Variants in ONECUT2 observed in about 807,000 individuals in gnomAD.
The protein encoded by ONECUT2 is one cut domain family member 2.
In ONECUT2, 10 loss-of-function variants were observed where a neutral mutation model predicts 27.9. The ratio of observed to expected loss-of-function variants is 0.36; its 90% CI spans 0.22 to 0.61. The LOEUF (loss-of-function observed/expected upper bound fraction) is 0.61. ONECUT2 is among the 20% of genes least tolerant of loss of function. The pLI is 0.73. For synonymous variants in ONECUT2, 334 were observed against 315.1 expected, an observed-to-expected ratio of 1.06 and a Z score of -0.64; for missense variants, 686 against 721.0, an observed-to-expected ratio of 0.95 and a Z score of 0.56.
intron 1 of ONECUT2, 133 bp downstream of exon 1, chr18:57,437,077 T>G (rs918043648): frequency 2.8e-6 from 4 of 1,416,056 alleles, no homozygotes; most frequent in Non-Finnish European, 3.7e-6. Flanking sequence ...TCCTCTTTCT[T>G]CTCGTTTTTA....
chr18:57,470,305 G>T lies in ONECUT2; in HGVS notation c.1229-6132G>T, dbSNP rs529157942. ...GAAGATTCTGACCCGGTGTTGAGTTGCTCTTACTTCACAGGCTTCCCAGAA... is the reference window on the plus strand; with the variant it reads ...GAAGATTCTGACCCGGTGTTGAGTTTCTCTTACTTCACAGGCTTCCCAGAA... On this transcript the variant is annotated intron_variant, in intron 1 of 1. Transcript: ENST00000491143. 2.6e-5 allele frequency among the ~76,000 whole-genome samples: 4 copies of T among 152,280 alleles called. No homozygotes were observed. The East Asian group carries it at 5.8e-4, about 22-fold the overall frequency.
intron 1 of ONECUT2, among the ~76,000 whole-genome samples, chr18:57,468,966 G>T (rs1423553952): frequency 6.6e-6 from 1 of 152,152 alleles, no homozygotes; most frequent in African/African-American, 2.4e-5. Context: ...TATCAGTACT[G>T]AAGGGCCACC....
chr18:57,446,107 C>T (rs1214338300), intron 1 of ONECUT2, among the ~76,000 whole-genome samples: 1 of 152,228 alleles, frequency 6.6e-6, no homozygotes, highest in African/African-American at 2.4e-5. Context: ...GCAGCTCTGC[C>T]CTGGTAGGAA....
At chr18:57,443,806 A>G (rs1464374433) in intron 1 of ONECUT2, among the ~76,000 whole-genome samples, 1 of 152,138 alleles carries the variant, frequency 6.6e-6, no homozygotes, top group Non-Finnish European at 1.5e-5. Context: ...TTATTATGAA[A>G]AACTGTCCCA....
At chr18:57,445,714 G>T (rs1325015277) in intron 1 of ONECUT2, among the ~76,000 whole-genome samples, 1 of 152,168 alleles carries the variant, frequency 6.6e-6, no homozygotes, top group African/African-American at 2.4e-5. Flanking sequence ...TTGAACAAGG[G>T]ATCAGTCCCT....
At chr18:57,459,400 A>G (rs1038217251) in intron 1 of ONECUT2, among the ~76,000 whole-genome samples, 1 of 152,216 alleles carries the variant, frequency 6.6e-6, no homozygotes, top group Non-Finnish European at 1.5e-5. Flanking sequence ...ATAAATATCT[A>G]TGTGCCCAAC....
In ONECUT2 at chr18:57,436,369, C is replaced by A; in HGVS notation, c.653C>A (p.Pro218His). ...NNLYSPYKEM[P>H]GMSQSLSPLA... ...CTCTACAGTCCCTACAAGGAGATGC[C>A]CGGCATGAGCCAGAGCCTGTCCCCG... Residue 218 changes from proline to histidine, a missense_variant, in exon 1 of 2, where the codon CCC (proline) becomes CAC (histidine). Coordinates refer to ENST00000491143, the MANE Select transcript of ONECUT2 (RefSeq NM_004852.3). This position sits in a 1 kb window ranked among gnomAD's most constrained non-coding sequence, Gnocchi z 5.9. 6.2e-7 allele frequency: 1 copy of A among 1,607,766 alleles called. No homozygotes were observed. The highest frequency in any genetic ancestry group is 8.5e-7 in the Non-Finnish European group (1 of 1,179,852).
rs760078673 is a variant in ONECUT2, at chr18:57,436,575, G to A, written c.859G>A (p.Ala287Thr). 1.2e-6 allele frequency: 2 copies of A among 1,610,908 alleles called. No homozygotes were observed. Among genetic ancestry groups the A allele is most frequent in the African/African-American group, 1.3e-5 (1 of 75,068 alleles). ...CCGCGGCCTGGGCACCCCACCTGCG[G>A]CCATGATGTCGCACCTGAACGGCCT... ...LSRGLGTPPA[A>T]MMSHLNGLHH... The change falls in exon 1 of 2, where the codon GCC becomes ACC. Residue 287 changes from alanine (A) to threonine (T), a missense_variant. Physicochemically the swap from Ala to Thr is moderately conservative, Grantham distance 58 (BLOSUM62 0). This residue lies in a region of ONECUT2 where 511 missense variants were observed against 488.1 expected (regional missense o/e 1.05). Transcript: ENST00000491143. This position sits in a 1 kb window ranked among gnomAD's most constrained non-coding sequence, Gnocchi z 5.9.
At chr18:57,452,604 T>C (rs2144313949) in intron 1 of ONECUT2, among the ~76,000 whole-genome samples, 1 of 152,234 alleles carries the variant, frequency 6.6e-6, no homozygotes, top group South Asian at 2.1e-4. Context: ...TTCATATTTT[T>C]AGTAGAGATG....
intron 1 of ONECUT2, among the ~76,000 whole-genome samples, chr18:57,438,202 C>T (rs1490101030): frequency 1.3e-5 from 2 of 152,268 alleles, no homozygotes; most frequent in African/African-American, 4.8e-5. Context: ...TGCGCTGCCC[C>T]TAGGAGCAAG....
At chr18:57,474,194 C>T (rs1448382547) in intron 1 of ONECUT2, among the ~76,000 whole-genome samples, 1 of 152,212 alleles carries the variant, frequency 6.6e-6, no homozygotes, top group African/African-American at 2.4e-5. Context: ...GGGCTCTCCT[C>T]TTCCTGCCCT....
intron 1 of ONECUT2, among the ~76,000 whole-genome samples, chr18:57,440,201 C>A (rs1568117744): frequency 6.6e-6 from 1 of 152,234 alleles, no homozygotes; most frequent in Non-Finnish European, 1.5e-5. Flanking sequence ...CCAGCCCTTG[C>A]AGGGCGGTTT....
intron 1 of ONECUT2, among the ~76,000 whole-genome samples, chr18:57,460,828 T>C (rs2050287001): frequency 6.6e-6 from 1 of 151,708 alleles, no homozygotes; most frequent in Admixed American, 6.6e-5. Flanking sequence ...TAACTGGGAC[T>C]ACAGGCACAC....
At position 57,470,787 on chromosome 18, in the gene ONECUT2, C is replaced by CCA. The variant is rs543525590; in HGVS notation, c.1229-5633_1229-5632dup. Among the ~76,000 whole-genome samples the CCA allele has an allele frequency of 6.1e-3, 914 of 149,822 alleles. 12 individuals carry two copies. Among genetic ancestry groups the CCA allele is most frequent in the South Asian group, 0.026 (121 of 4,734 alleles). ...TACCCTCCACACCACACACACACAA[C>CCA]CACACACACACACACACAACCGAGG... On this transcript the variant is annotated intron_variant, in intron 1 of 1. Coordinates refer to ENST00000491143, the MANE Select transcript of ONECUT2 (RefSeq NM_004852.3).
In ONECUT2 at chr18:57,478,534, G is replaced by A. The variant is rs543031117; in HGVS notation, c.*1811G>A. On this transcript the variant is annotated 3_prime_UTR_variant, in exon 2 of 2. Coordinates refer to ENST00000491143, the MANE Select transcript of ONECUT2 (RefSeq NM_004852.3). ...GAAAATAAACGAAAACAAAAACAGG[G>A]AGACACACTGTGTTCAAACAGACCT... 80 of 152,712 alleles carry A rather than the reference G, an allele frequency of 5.2e-4. No homozygotes were observed. The highest frequency in any genetic ancestry group is 1.6e-3 in the African/African-American group (68 of 41,564). 9.5% of individuals were successfully genotyped at this position (152,712 alleles called of 1,614,324 possible).
intron 1 of ONECUT2, among the ~76,000 whole-genome samples, chr18:57,439,076 C>T (rs1245876950): frequency 1.3e-5 from 2 of 152,202 alleles, no homozygotes; most frequent in Non-Finnish European, 2.9e-5. Flanking sequence ...TCATGCCGGT[C>T]GCGCAAAGAA....
chr18:57,476,099 G>A (rs1279623863), intron 1 of ONECUT2, among the ~76,000 whole-genome samples: 2 of 152,174 alleles, frequency 1.3e-5, no homozygotes, highest in African/African-American at 4.8e-5. Flanking sequence ...GGCGTCTGGA[G>A]TCCTCCCTGC....
intron 1 of ONECUT2, among the ~76,000 whole-genome samples, chr18:57,463,848 TTG>T (rs1375833756): frequency 6.6e-6 from 1 of 152,212 alleles, no homozygotes; most frequent in East Asian, 1.9e-4. Context: ...TAACAGTTCA[TTG>T]TGTATTCTCG....
At chr18:57,448,300 C>T (rs1414234022) in intron 1 of ONECUT2, among the ~76,000 whole-genome samples, 1 of 152,120 alleles carries the variant, frequency 6.6e-6, no homozygotes, top group Non-Finnish European at 1.5e-5. Flanking sequence ...CTTTAAAAGT[C>T]AAGGGTATGA....
Sources: allele counts gnomAD v4.1 joint callset (sites outside exome capture counted in the v4.1 genomes callset), GRCh38; gene constraint gnomAD v4.1.1; regional missense constraint gnomAD v4.1.1; non-coding constraint Gnocchi (gnomAD v3.1); transcripts MANE v1.5; gene names NCBI Gene and HGNC (gene_info 2026-07-23, HGNC 2026-07-21).